The following LYST variants were observed in gnomAD, a reference collection of about 807,000 sequenced individuals.
LYST encodes the protein lysosomal-trafficking regulator.
LYST carries 192 observed loss-of-function variants against 413.6 expected under a neutral mutation model. That is an observed-to-expected ratio of 0.46 (90% confidence interval 0.41 to 0.52). The LOEUF (loss-of-function observed/expected upper bound fraction) is 0.52. LYST is among the 20% of genes least tolerant of loss of function. LYST has a pLI of 0.00. For synonymous variants in LYST, 1,525 were observed against 1,567.3 expected (o/e 0.97, Z 0.64); for missense variants, 3,815 against 4,499.9 (o/e 0.85, Z 4.35).
At chr1:235,755,381 T>G in intron 25 of LYST, 97 bp downstream of exon 25, 1 of 898,816 alleles carries the variant, frequency 1.1e-6, no homozygotes, top group Non-Finnish European at 1.6e-6. Context: ...AGGGCGAGAC[T>G]CCGTCTCAAA....
chr1:235,715,120 T>C, intron 42 of LYST, 81 bp downstream of exon 42: 1 of 1,203,130 alleles, frequency 8.3e-7, no homozygotes, highest in East Asian at 2.3e-5. Flanking sequence ...GTTCTTAAAA[T>C]GTCAGTCCTA....
intron 1 of LYST, among the ~76,000 whole-genome samples, chr1:235,881,513 T>C (rs1173536023): frequency 6.6e-6 from 1 of 152,194 alleles, no homozygotes; most frequent in Non-Finnish European, 1.5e-5. Context: ...CAAAGAGATA[T>C]TGGTACACCC....
At position 235,808,599 on chromosome 1, in the gene LYST, T is replaced by C; in HGVS notation, c.2219A>G (p.Gln740Arg). The change falls in exon 5 of 53, where the codon CAA (glutamine) becomes CGA (arginine). Residue 740 changes from glutamine (Q) to arginine (R), a missense_variant. This residue lies in a region of LYST where 1,648 missense variants were observed against 1,810.3 expected (regional missense o/e 0.91). Transcript: ENST00000389793. ...ATGATGTGCTAATTCAACTCCTCTT[T>C]GGAGCACAGGATTAAATATGTAATT... is the stretch of plus-strand genomic sequence containing the variant. ...LYNYIFNPVL[Q>R]RGVELAHHCQ... 6.2e-7 allele frequency: 1 copy of C among 1,614,024 alleles called. No individual in the cohort carries two copies. Among genetic ancestry groups the C allele is most frequent in the Non-Finnish European group, 8.5e-7 (1 of 1,179,942 alleles).
intron 3 of LYST, among the ~76,000 whole-genome samples, chr1:235,818,616 A>G (rs1674421768): frequency 6.6e-6 from 1 of 152,274 alleles, no homozygotes; most frequent in Middle Eastern, 3.4e-3. Flanking sequence ...AAAGATGCCA[A>G]TAAAAATGTA....
chr1:235,861,194 C>G (rs1572483924), intron 1 of LYST, among the ~76,000 whole-genome samples: 1 of 152,082 alleles, frequency 6.6e-6, no homozygotes, highest in South Asian at 2.1e-4. Flanking sequence ...CTCTTATGTC[C>G]TCATCCATTT....
chr1:235,873,829 G>A (rs1411748829), intron 1 of LYST, among the ~76,000 whole-genome samples: 2 of 152,264 alleles, frequency 1.3e-5, no homozygotes, highest in South Asian at 2.1e-4. Context: ...AGAAGTACAA[G>A]GAAATTAAGA....
chr1:235,794,213 A>G (rs1208942476), intron 10 of LYST, among the ~76,000 whole-genome samples: 1 of 152,172 alleles, frequency 6.6e-6, no homozygotes, highest in East Asian at 1.9e-4. Context: ...AATCAATATA[A>G]TATTTGTTAA....
At chr1:235,818,477 A>G (rs923808368) in intron 3 of LYST, among the ~76,000 whole-genome samples, 1 of 152,154 alleles carries the variant, frequency 6.6e-6, no homozygotes, top group African/African-American at 2.4e-5. Flanking sequence ...ATGACTTTAA[A>G]TTTTAGATGC....
intron 47 of LYST, among the ~76,000 whole-genome samples, chr1:235,688,856 G>A (rs577566641): frequency 2.0e-5 from 3 of 152,010 alleles, no homozygotes; most frequent in African/African-American, 4.8e-5. Flanking sequence ...GTGGTGGCAC[G>A]CACCTGTAGT....
At chr1:235,856,152 T>C (rs76547286) in intron 1 of LYST, among the ~76,000 whole-genome samples, 2,467 of 152,272 alleles carry the variant, frequency 0.016, 66 homozygotes, top group African/African-American at 0.054. Flanking sequence ...GTAGTTTCTA[T>C]CACTGTGGTC....
intron 43 of LYST, among the ~76,000 whole-genome samples, chr1:235,709,800 C>T (rs1454280535): frequency 1.3e-5 from 2 of 149,736 alleles, no homozygotes; most frequent in Non-Finnish European, 2.9e-5. Context: ...ATAAAGTATA[C>T]ACATTGTTAG....
At chr1:235,862,573 A>G (rs187730847) in intron 1 of LYST, among the ~76,000 whole-genome samples, 2 of 152,214 alleles carry the variant, frequency 1.3e-5, no homozygotes, top group East Asian at 3.9e-4. Flanking sequence ...AGATGGGCAG[A>G]TCACTTGAGG....
intron 22 of LYST, 55 bp from the exon 23 acceptor site, chr1:235,759,654 T>C: frequency 1.5e-6 from 2 of 1,311,220 alleles, no homozygotes; most frequent in Non-Finnish European, 2.2e-6. Flanking sequence ...TGGAACCACC[T>C]CTCTTTTGCA....
At chr1:235,811,129 A>G (rs1218935754) in intron 4 of LYST, among the ~76,000 whole-genome samples, 2 of 152,244 alleles carry the variant, frequency 1.3e-5, no homozygotes, top group Admixed American at 1.3e-4. Context: ...CAGGTGACAG[A>G]GTGAGACTCT....
At chr1:235,786,749 C>T (rs1026658480) in intron 14 of LYST, among the ~76,000 whole-genome samples, 16 of 151,882 alleles carry the variant, frequency 1.1e-4, no homozygotes, top group Admixed American at 5.3e-4. Context: ...GTCCTTTGTA[C>T]GGACACGGAT....
rs1672073386 is a variant in LYST, at chr1:235,800,338, C to T, written c.3988G>A (p.Asp1330Asn). ...LGGFLSILTQDDSDFQACQRV... is the reference protein window; with the variant it reads ...LGGFLSILTQNDSDFQACQRV... The stretch of plus-strand genomic sequence containing the variant: ...AACTTACCTTGAAAATCAGAATCAT[C>T]CTGTGTTAAAATACTCAAGAACCCT... Residue 1330 changes from aspartate to asparagine, a missense_variant, in exon 10 of 53, where the codon GAT (aspartate) becomes AAT (asparagine). Transcript: ENST00000389793. The T allele has an allele frequency of 6.3e-7, 1 of 1,588,424 alleles. No individual in the cohort carries two copies. The highest frequency in any genetic ancestry group is 1.3e-5 in the African/African-American group (1 of 74,406).
intron 1 of LYST, among the ~76,000 whole-genome samples, chr1:235,859,651 T>C (rs968566702): frequency 3.3e-5 from 5 of 152,182 alleles, no homozygotes; most frequent in Admixed American, 2.0e-4. Context: ...AGTAATTATC[T>C]GCATCCCCAT....
At chr1:235,775,743 G>A (rs1669168993) in intron 17 of LYST, among the ~76,000 whole-genome samples, 1 of 152,042 alleles carries the variant, frequency 6.6e-6, no homozygotes, top group South Asian at 2.1e-4. Context: ...GGCTAAGGCA[G>A]GGCACAGCCA....
intron 1 of LYST, among the ~76,000 whole-genome samples, chr1:235,879,036 T>G (rs1201999576): frequency 2.6e-5 from 4 of 152,176 alleles, no homozygotes; most frequent in African/African-American, 9.7e-5. Context: ...AGACAGGATC[T>G]TGTTCTATAG....
Sources: gnomAD v4.1 joint callset for allele counts (sites outside exome capture counted in the v4.1 genomes callset) on GRCh38, gnomAD v4.1.1 for gene constraint, gnomAD v4.1.1 regional missense constraint, MANE v1.5 for transcripts, NCBI Gene and HGNC (gene_info 2026-07-23, HGNC 2026-07-21) for gene names.